Variants in CCDC170 observed in about 807,000 individuals in gnomAD.
CCDC170 encodes the protein coiled-coil domain-containing protein 170.
CCDC170 carries 69 observed loss-of-function variants against 72.6 expected under a neutral mutation model. The observed-to-expected ratio is 0.95, with a 90% CI of 0.78 to 1.16. CCDC170 has a LOEUF of 1.16. Ranked by LOEUF, CCDC170 falls within the 50% of genes most tolerant of loss-of-function variation. CCDC170 has a pLI of 0.00. For missense variants in CCDC170, 852 were observed against 832.5 expected (o/e 1.02, Z -0.29); for synonymous variants, 300 against 303.9 (o/e 0.99, Z 0.13).
At chr6:151,543,858 C>G (rs941388015) in intron 3 of CCDC170, among the ~76,000 whole-genome samples, 2 of 152,020 alleles carry the variant, frequency 1.3e-5, no homozygotes, top group Non-Finnish European at 2.9e-5. Flanking sequence ...TTTTTTTTCC[C>G]ATTCACTCAC....
chr6:151,558,963 A>T (rs531812325), intron 5 of CCDC170, among the ~76,000 whole-genome samples: 2 of 150,754 alleles, frequency 1.3e-5, no homozygotes, highest in East Asian at 3.9e-4. Flanking sequence ...ATTACAGTTA[A>T]TCTGTAGACT....
chr6:151,612,306 A>G (rs1776885724), intron 9 of CCDC170, among the ~76,000 whole-genome samples: 1 of 152,202 alleles, frequency 6.6e-6, no homozygotes, highest in Non-Finnish European at 1.5e-5. Context: ...GAGAGATTTC[A>G]ATCTCTGACA....
At chr6:151,590,121 A>T (rs1199138631) in intron 7 of CCDC170, among the ~76,000 whole-genome samples, 1 of 151,868 alleles carries the variant, frequency 6.6e-6, no homozygotes, top group Non-Finnish European at 1.5e-5. Context: ...TCCCTAAGAG[A>T]CTTACCTATC....
chr6:151,515,793 C>T lies in CCDC170; in HGVS notation c.58-20525C>T, dbSNP rs192678285. Among the ~76,000 whole-genome samples the T allele has an allele frequency of 2.6e-3, 403 of 152,220 alleles. 1 individual carries two copies. Among genetic ancestry groups the T allele is most frequent in the African/African-American group, 8.6e-3 (359 of 41,526 alleles). On this transcript the variant is annotated intron_variant, in intron 1 of 10. Transcript: ENST00000239374. ...TAAAAATATGACAAAGAAAGTGTGG[C>T]GCAGTGGCTCATGCCTATAATCTCA...
intron 9 of CCDC170, among the ~76,000 whole-genome samples, chr6:151,603,530 G>A (rs1317500159): frequency 1.3e-5 from 2 of 152,212 alleles, no homozygotes; most frequent in Non-Finnish European, 2.9e-5. Flanking sequence ...AATGGCAGAA[G>A]ATGAAGAAAG....
chr6:151,542,778 A>C (rs557270938), intron 3 of CCDC170, among the ~76,000 whole-genome samples: 250 of 152,322 alleles, frequency 1.6e-3, no homozygotes, highest in Non-Finnish European at 3.1e-3. Context: ...TTTGGAATGG[A>C]GAAGAAAGAT....
intron 1 of CCDC170, among the ~76,000 whole-genome samples, chr6:151,508,803 G>T (rs1053235437): frequency 6.6e-6 from 1 of 150,974 alleles, no homozygotes; most frequent in Admixed American, 6.6e-5. Flanking sequence ...ATCACCTGAG[G>T]TCAGGAGTTT....
chr6:151,585,881 GTTTCCAGA>G lies in CCDC170; in HGVS notation c.1093-6_1094del. On this transcript the variant is annotated splice_acceptor_variant and splice_polypyrimidine_tract_variant and coding_sequence_variant and intron_variant, in exon 7 of 11. Transcript: ENST00000239374. LOFTEE classifies it high-confidence loss of function. ...AGGCTTATTCTTGATCTGTTTCTTT[GTTTCCAGA>G]TGGTCTCCCAGCTTGAAGCCCAAAT... is the stretch of plus-strand genomic sequence containing the variant. 6.2e-7 allele frequency: 1 copy of G among 1,612,154 alleles called. No homozygotes were observed. The highest frequency in any genetic ancestry group is 1.1e-5 in the South Asian group (1 of 90,706).
At chr6:151,588,531 C>T (rs747791273) in intron 7 of CCDC170, among the ~76,000 whole-genome samples, 1 of 151,990 alleles carries the variant, frequency 6.6e-6, no homozygotes, top group Non-Finnish European at 1.5e-5. Context: ...AAGATCTGAA[C>T]CAAGTAGTGG....
intron 1 of CCDC170, among the ~76,000 whole-genome samples, chr6:151,521,721 C>T (rs1216894066): frequency 2.6e-5 from 4 of 152,120 alleles, no homozygotes; most frequent in African/African-American, 4.8e-5. Context: ...TGGTGGCTCA[C>T]GCCAGTAATC....
chr6:151,570,448 A>C (rs1266970008), intron 5 of CCDC170, among the ~76,000 whole-genome samples: 1 of 152,252 alleles, frequency 6.6e-6, no homozygotes, highest in Non-Finnish European at 1.5e-5. Flanking sequence ...CAAAACAACA[A>C]TAAAAATAAT....
chr6:151,509,222 GTATC>G (rs59062141), intron 1 of CCDC170, among the ~76,000 whole-genome samples: 4,361 of 127,372 alleles, frequency 0.034, 88 homozygotes, highest in Non-Finnish European at 0.044. Flanking sequence ...ATCTATCTAT[GTATC>G]TATCTATCTA....
Position 151,573,432 on chromosome 6 carries a change from G to A in CCDC170, c.1033G>A (p.Glu345Lys), listed in dbSNP as rs55868409. The A allele has an allele frequency of 8.3e-3, 13,427 of 1,614,146 alleles. 74 individuals are homozygous for A. The highest frequency in any genetic ancestry group is 0.01 in the Non-Finnish European group (12,288 of 1,180,018). ...CAGATTGAGCATGACTGGGTCCACT[G>A]AGGACACCATTTTGGAGAAGATTCG... ...RGRLSMTGSTEDTILEKIREM... is the reference protein window; with the variant it reads ...RGRLSMTGSTKDTILEKIREM... The change falls in exon 6 of 11, where the codon GAG (glutamate) becomes AAG (lysine). Residue 345 changes from glutamate to lysine, a missense_variant. Coordinates refer to ENST00000239374, the MANE Select transcript of CCDC170 (RefSeq NM_025059.4).
chr6:151,591,253 A>G (rs945450370), intron 7 of CCDC170, among the ~76,000 whole-genome samples: 1 of 152,210 alleles, frequency 6.6e-6, no homozygotes, highest in African/African-American at 2.4e-5. Context: ...TCAGAAGAAA[A>G]TATCAAAGAT....
At chr6:151,581,654 A>G (rs1427279487) in intron 6 of CCDC170, among the ~76,000 whole-genome samples, 1 of 152,184 alleles carries the variant, frequency 6.6e-6, no homozygotes, top group Non-Finnish European at 1.5e-5. Context: ...TTTTCAATTT[A>G]CTTTGCCCAG....
intron 9 of CCDC170, among the ~76,000 whole-genome samples, chr6:151,606,561 T>G (rs1330850164): frequency 6.6e-6 from 1 of 152,208 alleles, no homozygotes; most frequent in African/African-American, 2.4e-5. Context: ...ATGGAGAATA[T>G]TCCATGTGCT....
Position 151,576,448 on chromosome 6 carries a change from T to C in CCDC170, c.1092+2957T>C, listed in dbSNP as rs138300307. Among the ~76,000 whole-genome samples the C allele has an allele frequency of 4.8e-3, 733 of 152,240 alleles. 5 individuals are homozygous for C. The highest frequency in any genetic ancestry group is 0.017 in the African/African-American group (698 of 41,550). On this transcript the variant is annotated intron_variant, in intron 6 of 10. Transcript: ENST00000239374. ...ATTTCATTTTATTGCTTTCCACTTC[T>C]ATATTTTCAAGTAGTTTCTTAAAAC...
intron 5 of CCDC170, among the ~76,000 whole-genome samples, chr6:151,559,012 C>CT (rs201171602): frequency 0.23 from 28,823 of 125,556 alleles, 4,324 homozygotes; most frequent in East Asian, 0.35. Flanking sequence ...ATTAATTTAT[C>CT]TTTTTTTTTT....
At chr6:151,533,197 G>A (rs1395917634) in intron 1 of CCDC170, among the ~76,000 whole-genome samples, 10 of 151,584 alleles carry the variant, frequency 6.6e-5, no homozygotes, top group Non-Finnish European at 1.3e-4. Context: ...GGGACTACAG[G>A]CGCCCGCCAC....
Sources: gnomAD v4.1 joint callset for allele counts (sites outside exome capture counted in the v4.1 genomes callset) on GRCh38, gnomAD v4.1.1 for gene constraint, MANE v1.5 for transcripts, NCBI Gene and HGNC (gene_info 2026-07-23, HGNC 2026-07-21) for gene names.